The following GABPB1 variants were observed in gnomAD, a reference collection of about 807,000 sequenced individuals.
GABPB1 encodes GA binding protein transcription factor subunit beta 1, also known as GA-binding protein subunit beta-1.
GABPB1 carries 15 observed loss-of-function variants against 45.9 expected under a neutral mutation model. The observed-to-expected ratio is 0.33, with a 90% CI of 0.22 to 0.50. The LOEUF is 0.50. Ranked by LOEUF, GABPB1 falls within the 20% of genes least tolerant of loss-of-function variation. GABPB1 has a pLI of 0.98. For synonymous variants in GABPB1, 143 were observed against 154.4 expected (o/e 0.93, Z 0.55); for missense variants, 252 against 457.5 (o/e 0.55, Z 4.10).
At chr15:50,341,395 G>A (rs2048372259) in intron 1 of GABPB1, among the ~76,000 whole-genome samples, 1 of 152,096 alleles carries the variant, frequency 6.6e-6, no homozygotes. Context: ...AGCCAGGCAT[G>A]GCGGTGCATG....
intron 1 of GABPB1, among the ~76,000 whole-genome samples, chr15:50,337,777 G>C (rs1219306121): frequency 6.7e-6 from 1 of 149,216 alleles, no homozygotes; most frequent in African/African-American, 2.5e-5. Context: ...AACTGAAAAA[G>C]AAAAAAAAAG....
At chr15:50,301,061 A>G in intron 5 of GABPB1, 159 bp from the exon 6 acceptor site, 1 of 864,586 alleles carries the variant, frequency 1.2e-6, no homozygotes, top group Non-Finnish European at 1.8e-6. Context: ...ACCTTTCTTC[A>G]GATTGTTTTG....
At chr15:50,330,796 T>C (rs551692491) in intron 1 of GABPB1, among the ~76,000 whole-genome samples, 1 of 152,332 alleles carries the variant, frequency 6.6e-6, no homozygotes, top group Non-Finnish European at 1.5e-5. Flanking sequence ...CAAACAAATG[T>C]TTACTGAGTA....
At chr15:50,323,960 G>A (rs1019732793) in intron 1 of GABPB1, among the ~76,000 whole-genome samples, 7 of 152,126 alleles carry the variant, frequency 4.6e-5, no homozygotes, top group Non-Finnish European at 7.4e-5. Flanking sequence ...CTAGCACTTT[G>A]GGAAGCCAAG....
At chr15:50,346,199 CT>C (rs2048572123) in intron 1 of GABPB1, among the ~76,000 whole-genome samples, 1 of 151,980 alleles carries the variant, frequency 6.6e-6, no homozygotes, top group African/African-American at 2.4e-5. Flanking sequence ...CCCTGTTTTC[CT>C]TTTTCACTTA....
At chr15:50,329,346 A>C (rs2047874736) in intron 1 of GABPB1, among the ~76,000 whole-genome samples, 1 of 152,228 alleles carries the variant, frequency 6.6e-6, no homozygotes, top group South Asian at 2.1e-4. Context: ...TTTATAATTC[A>C]GGTTCAAAAT....
chr15:50,316,351 T>C (rs1228556581), intron 1 of GABPB1, among the ~76,000 whole-genome samples: 1 of 152,218 alleles, frequency 6.6e-6, no homozygotes, highest in East Asian at 1.9e-4. Context: ...GTGAGGATTA[T>C]GGCATGTACT....
rs190556548 is a variant in GABPB1 at position 50,315,599 on chromosome 15, G to C, written c.1-5801C>G. 1.4e-3 allele frequency among the ~76,000 whole-genome samples: 210 copies of C among 152,308 alleles called. 3 individuals carry two copies. Among genetic ancestry groups the C allele is most frequent in the African/African-American group, 4.9e-3 (204 of 41,552 alleles). On this transcript the variant is annotated intron_variant, in intron 1 of 8. Transcript: ENST00000380877. ...TTTTCTTGTCAAGATAATTAGTAAA[G>C]TTTTAAATAATGAAAACAAAATCGT...
chr15:50,347,016 C>A (rs2048614358), intron 1 of GABPB1, among the ~76,000 whole-genome samples: 2 of 151,982 alleles, frequency 1.3e-5, no homozygotes, highest in Non-Finnish European at 2.9e-5. Flanking sequence ...TCTTGTACTC[C>A]TGACCTCCTG....
At chr15:50,344,077 T>C (rs2048477957) in intron 1 of GABPB1, among the ~76,000 whole-genome samples, 1 of 152,198 alleles carries the variant, frequency 6.6e-6, no homozygotes, top group African/African-American at 2.4e-5. Context: ...CATCAGAGAT[T>C]AGAACAGTGC....
chr15:50,320,512 C>T (rs1173787231), intron 1 of GABPB1, among the ~76,000 whole-genome samples: 2 of 152,188 alleles, frequency 1.3e-5, no homozygotes, highest in Admixed American at 6.6e-5. Context: ...TCTGTACACA[C>T]AGTCTTTTTA....
At chr15:50,312,907 T>A (rs1201988677) in intron 1 of GABPB1, among the ~76,000 whole-genome samples, 1 of 152,166 alleles carries the variant, frequency 6.6e-6, no homozygotes, top group Non-Finnish European at 1.5e-5. Context: ...ATGTTCTGGA[T>A]ATGAGTCCTT....
chr15:50,340,547 C>CAAAAAAAAAAAAAAAAAA (rs397853899), intron 1 of GABPB1, among the ~76,000 whole-genome samples: 1 of 110,796 alleles, frequency 9.0e-6, no homozygotes, highest in Non-Finnish European at 1.8e-5. Flanking sequence ...CTATAATCAC[C>CAAAAAAAAAAAAAAAAAA]AAAAAAAAAA....
At position 50,355,156 on chromosome 15, in the gene GABPB1, C is replaced by A. The variant is rs182916060; in HGVS notation, c.-172G>T. 2,042 of 153,266 alleles carry A rather than the reference C, an allele frequency of 0.013. 27 individuals carry two copies. Among genetic ancestry groups the A allele is most frequent in the Non-Finnish European group, 0.018 (1,235 of 68,288 alleles). The allele number at this position is 153,266 out of a possible 1,614,324, so 9.5% of individuals were successfully genotyped here. On this transcript the variant is annotated 5_prime_UTR_variant, in exon 1 of 9. Transcript: ENST00000380877. Reference sequence around the variant, plus strand: ...TCTGGTCGGCGCCCAAAATCCCCACCGAAAAGTCCCCCGTGCTGCGCGCGG... The same window carrying A: ...TCTGGTCGGCGCCCAAAATCCCCACAGAAAAGTCCCCCGTGCTGCGCGCGG...
chr15:50,288,610 G>T (rs2046243092), intron 7 of GABPB1, among the ~76,000 whole-genome samples: 1 of 152,052 alleles, frequency 6.6e-6, no homozygotes, highest in African/African-American at 2.4e-5. Flanking sequence ...GAGTCCTCTT[G>T]CCCTGGCTGT....
chr15:50,336,679 T>C (rs2048140807), intron 1 of GABPB1, among the ~76,000 whole-genome samples: 1 of 150,852 alleles, frequency 6.6e-6, no homozygotes, highest in Non-Finnish European at 1.5e-5. Context: ...CAAGACACTG[T>C]CTCAAAAGCA....
At chr15:50,299,236 G>C (rs2046639125) in intron 6 of GABPB1, among the ~76,000 whole-genome samples, 1 of 152,046 alleles carries the variant, frequency 6.6e-6, no homozygotes, top group South Asian at 2.1e-4. Context: ...AAATATAATG[G>C]CTTAAGCTAC....
chr15:50,295,020 G>A (rs1167159840), intron 6 of GABPB1, among the ~76,000 whole-genome samples: 1 of 152,124 alleles, frequency 6.6e-6, no homozygotes, highest in African/African-American at 2.4e-5. Flanking sequence ...ACAGGCTAGA[G>A]CTACAAAATA....
chr15:50,337,329 G>A (rs1053401792), intron 1 of GABPB1, among the ~76,000 whole-genome samples: 3 of 151,396 alleles, frequency 2.0e-5, no homozygotes, highest in Non-Finnish European at 2.9e-5. Context: ...ACTGTTATGA[G>A]ATTCTGTAAT....
Sources: gnomAD v4.1 joint callset for allele counts (sites outside exome capture counted in the v4.1 genomes callset) on GRCh38, gnomAD v4.1.1 for gene constraint, MANE v1.5 for transcripts, NCBI Gene and HGNC (gene_info 2026-07-23, HGNC 2026-07-21) for gene names.